ZFHX3: variants seen among roughly 807,000 people sequenced by gnomAD.
ZFHX3 encodes the protein zinc finger homeobox 3.
A neutral mutation model predicts 279.1 loss-of-function variants in ZFHX3; 42 were observed. That is an observed-to-expected ratio of 0.15 (90% CI 0.12 to 0.19). ZFHX3 has a LOEUF of 0.19. Ranked by LOEUF, ZFHX3 falls within the 10% of genes least tolerant of loss-of-function variation. ZFHX3 has a pLI of 1.00. For missense variants in ZFHX3, 4,981 were observed against 4,754.0 expected (o/e 1.05, Z -1.40); for synonymous variants, 2,293 against 1,957.8 (o/e 1.17, Z -4.52).
intron 4 of ZFHX3, among the ~76,000 whole-genome samples, chr16:72,876,525 A>C (rs2038318992): frequency 6.6e-6 from 1 of 152,176 alleles, no homozygotes; most frequent in African/African-American, 2.4e-5. Flanking sequence ...TTTATTAACC[A>C]AATGCTTGAG....
chr16:73,077,671 C>G (rs935442100), intron 8 of ZFHX3, among the ~76,000 whole-genome samples: 5 of 152,120 alleles, frequency 3.3e-5, no homozygotes, highest in Non-Finnish European at 5.9e-5. Flanking sequence ...AAGCCTATTT[C>G]CAGATCTCTC....
intron 7 of ZFHX3, chr16:73,093,891 G>C (rs748175862): frequency 2.8e-5 from 7 of 247,318 alleles, no homozygotes; most frequent in Admixed American, 9.4e-5. Context: ...ATAGTACTAA[G>C]TAGAGCTGGG....
At chr16:73,753,986 A>ATGTGTGTGTGTGTCTGTG (rs2053783799) in intron 1 of ZFHX3, among the ~76,000 whole-genome samples, 1 of 147,324 alleles carries the variant, frequency 6.8e-6, no homozygotes, top group African/African-American at 2.5e-5. Flanking sequence ...GTAAGAATCA[A>ATGTGTGTGTGTGTCTGTG]TGTGTGTGTG....
intron 2 of ZFHX3, among the ~76,000 whole-genome samples, chr16:73,516,273 G>A (rs1389562696): frequency 3.3e-5 from 5 of 152,244 alleles, no homozygotes; most frequent in African/African-American, 7.2e-5. Flanking sequence ...TTGTAACCAG[G>A]GCTTACATCC....
chr16:73,570,639 C>T (rs1244312027), intron 2 of ZFHX3, among the ~76,000 whole-genome samples: 2 of 152,066 alleles, frequency 1.3e-5, no homozygotes, highest in African/African-American at 4.8e-5. Flanking sequence ...TGAGCTTGAT[C>T]TTTCTATATT....
chr16:73,880,914 A>T (rs2030123896), intron 1 of ZFHX3, among the ~76,000 whole-genome samples: 1 of 152,198 alleles, frequency 6.6e-6, no homozygotes, highest in Admixed American at 6.5e-5. Flanking sequence ...TTGATGATAT[A>T]GGCGAGAAGA....
chr16:73,734,744 A>T, intron 1 of ZFHX3, among the ~76,000 whole-genome samples: 1 of 152,196 alleles, frequency 6.6e-6, no homozygotes, highest in East Asian at 1.9e-4. Flanking sequence ...ATTAAAAATA[A>T]CAAATTTGAA....
Position 73,037,126 on chromosome 16 carries a change from C to T in ZFHX3, c.-50+10626G>A, listed in dbSNP as rs146558436. ...TAAGATACACCCGTATATCACAACC[C>T]GACTATTAAAAGCGGAGTCCAAACT... On this transcript the variant is annotated intron_variant, in intron 1 of 9. Coordinates refer to ENST00000268489, the MANE Select transcript of ZFHX3 (RefSeq NM_006885.4). Among the ~76,000 whole-genome samples, 1,297 of 152,252 alleles carry T rather than the reference C, an allele frequency of 8.5e-3. 9 individuals are homozygous for T. The highest frequency in any genetic ancestry group is 0.01 in the Non-Finnish European group (710 of 68,038).
At position 73,185,279 on chromosome 16, in the gene ZFHX3, T is replaced by C. The variant is rs146938298; in HGVS notation, c.-1103-41448A>G. 7.2e-5 allele frequency among the ~76,000 whole-genome samples: 11 copies of C among 152,368 alleles called. No individual in the cohort carries two copies. In the East Asian group the frequency reaches 1.9e-3, roughly 27 times the overall value. ...CCGGGAAGTGGGTTGTCTTATTATA[T>C]GCAGTCTCTTTTAAAATCCCCATGT... is the stretch of plus-strand genomic sequence containing the variant. On this transcript the variant is annotated intron_variant, in intron 5 of 17. Coordinates refer to the ZFHX3 transcript ENST00000641206.
At position 73,580,508 on chromosome 16, in the gene ZFHX3, C is replaced by CA. The variant is rs1555525963; in HGVS notation, c.-1547+99671dup. Among the ~76,000 whole-genome samples the CA allele has an allele frequency of 9.8e-3, 1,379 of 140,122 alleles. 16 individuals carry two copies. Among genetic ancestry groups the CA allele is most frequent in the Non-Finnish European group, 0.015 (945 of 63,066 alleles). The allele number at this position is 140,122 out of a possible 152,430, so 91.9% of individuals were successfully genotyped here. A position where few individuals can be genotyped will look rare whatever the true frequency, so the allele number is the denominator to read the frequency against. ...ACAAAAACAAAAACAAACAAACAAA[C>CA]AAAAAAAAAAAAACAGAGAAATTTC... On this transcript the variant is annotated intron_variant, in intron 2 of 17. Coordinates refer to the ZFHX3 transcript ENST00000641206.
intron 5 of ZFHX3, among the ~76,000 whole-genome samples, chr16:73,195,889 C>CAGTT (rs1326912931): frequency 6.6e-6 from 1 of 152,094 alleles, no homozygotes; most frequent in East Asian, 1.9e-4. Flanking sequence ...TTGGGTCAGG[C>CAGTT]AGTTACACCA....
intron 3 of ZFHX3, among the ~76,000 whole-genome samples, chr16:73,405,071 T>A (rs937932378): frequency 1.3e-4 from 20 of 152,262 alleles, no homozygotes; most frequent in South Asian, 1.2e-3. Flanking sequence ...GGGCTGTTGC[T>A]CTTCAAGGCT....
At chr16:73,520,373 G>C (rs181703021) in intron 2 of ZFHX3, among the ~76,000 whole-genome samples, 8 of 152,240 alleles carry the variant, frequency 5.3e-5, no homozygotes, top group Admixed American at 3.9e-4. Context: ...CAAAGGCATA[G>C]CCTAGCAAAC....
chr16:73,867,190 G>T (rs1326101982), intron 1 of ZFHX3, among the ~76,000 whole-genome samples: 2 of 152,104 alleles, frequency 1.3e-5, no homozygotes, highest in Non-Finnish European at 2.9e-5. Flanking sequence ...TCCATTTGCT[G>T]AAGACTCTCT....
At chr16:73,002,443 T>C (rs1296787295) in intron 1 of ZFHX3, among the ~76,000 whole-genome samples, 1 of 152,142 alleles carries the variant, frequency 6.6e-6, no homozygotes, top group African/African-American at 2.4e-5. Flanking sequence ...AGAATCGACA[T>C]ATCACATATC....
At chr16:73,753,406 A>G (rs1052086071) in intron 1 of ZFHX3, among the ~76,000 whole-genome samples, 3 of 152,114 alleles carry the variant, frequency 2.0e-5, no homozygotes, top group Non-Finnish European at 2.9e-5. Flanking sequence ...TCCAGAAGTG[A>G]CCACCCCTTT....
At chr16:73,869,190 C>T (rs1207555836) in intron 1 of ZFHX3, among the ~76,000 whole-genome samples, 2 of 152,140 alleles carry the variant, frequency 1.3e-5, no homozygotes, top group Non-Finnish European at 2.9e-5. Context: ...CACAGTTGGT[C>T]GCAGAGCTGC....
rs1365597653 is a variant in ZFHX3, at chr16:73,757,735, C to T, written c.-1607-77495G>A. Among the ~76,000 whole-genome samples the T allele has an allele frequency of 2.6e-5, 4 of 152,260 alleles. No homozygotes were observed. In the East Asian group the frequency reaches 7.7e-4, roughly 29 times the overall value. ...GAGCACAGAGTTGGAGGGTTCCCTGCAGGAAGCAGCATTTCACCAGCGTGA... is the reference window on the plus strand; with the variant it reads ...GAGCACAGAGTTGGAGGGTTCCCTGTAGGAAGCAGCATTTCACCAGCGTGA... On this transcript the variant is annotated intron_variant, in intron 1 of 17. Coordinates refer to the ZFHX3 transcript ENST00000641206.
In ZFHX3 at chr16:72,959,332, A is replaced by G. The variant is rs1353784492; in HGVS notation, c.814T>C (p.Phe272Leu). The stretch of plus-strand genomic sequence containing the variant: ...GGCTTCCTCTTGCCATAGAGCACAA[A>G]GCCATCGAATTTGGACAGGTCCACA... ...NNVDLSKFDG[F>L]VLYGKRKPIL... The change falls in exon 2 of 10, where the codon TTT (phenylalanine) becomes CTT (leucine). Residue 272 changes from phenylalanine (F) to leucine (L), a missense_variant. By Grantham distance (22) the Phe-to-Leu change is conservative (BLOSUM62 0). Around this residue, in one of 7 missense-constraint regions of ZFHX3, gnomAD observed 1,068 missense variants for 935.2 expected, o/e 1.14. Coordinates refer to ENST00000268489, the MANE Select transcript of ZFHX3 (RefSeq NM_006885.4). 2 of 1,614,216 alleles carry G rather than the reference A, an allele frequency of 1.2e-6. No homozygotes were observed. Among genetic ancestry groups the G allele is most frequent in the Non-Finnish European group, 1.7e-6 (2 of 1,180,036 alleles).
Sources: allele counts gnomAD v4.1 joint callset (sites outside exome capture counted in the v4.1 genomes callset), GRCh38; gene constraint gnomAD v4.1.1; regional missense constraint gnomAD v4.1.1; transcripts MANE v1.5; gene names NCBI Gene and HGNC (gene_info 2026-07-23, HGNC 2026-07-21).